The following ACTL8 variants were observed in gnomAD, a reference collection of about 807,000 sequenced individuals.
ACTL8 encodes the protein actin-like protein 8.
ACTL8 carries 3 observed loss-of-function variants against 9.3 expected under a neutral mutation model. The ratio of observed to expected loss-of-function variants is 0.32; its 90% CI spans 0.15 to 0.83. ACTL8 has a LOEUF of 0.83. Among genes scored for constraint, ACTL8 ranks in the 40% least tolerant of loss-of-function variants. The pLI, the probability that ACTL8 is intolerant of heterozygous loss-of-function variation, is 0.57. For missense variants in ACTL8, 381 were observed against 492.2 expected (o/e 0.77, Z 2.14); for synonymous variants, 224 against 205.9 (o/e 1.09, Z -0.75).
In ACTL8 at chr1:17,826,396, A is replaced by T. The variant is rs2053722950; in HGVS notation, c.978A>T (p.Thr326=). 3 of 1,614,112 alleles carry T rather than the reference A, an allele frequency of 1.9e-6. No individual in the cohort carries two copies. The African/African-American group carries it at 4.0e-5, about 22-fold the overall frequency. The change falls in exon 3 of 3, where the codon ACA becomes ACT. Residue 326 remains threonine (T), a synonymous_variant. Transcript: ENST00000375406. The surrounding 1 kb of genome is among the most constrained non-coding windows in gnomAD (Gnocchi z 4.5). ...MGDHVSSTKA[T]VWEGSNRNFS... The stretch of plus-strand genomic sequence containing the variant: ...ATCACGTCTCCTCCACCAAGGCCAC[A>T]GTCTGGGAGGGTTCCAATAGAAACT...
At chr1:17,825,285 C>T (rs2053704715) in intron 2 of ACTL8, among the ~76,000 whole-genome samples, 1 of 151,778 alleles carries the variant, frequency 6.6e-6, no homozygotes, top group Admixed American at 6.6e-5. Flanking sequence ...TTTCTTCCTT[C>T]CTTTCCTTTT....
At chr1:17,825,383 G>GA (rs1374058124) in intron 2 of ACTL8, among the ~76,000 whole-genome samples, 1 of 151,802 alleles carries the variant, frequency 6.6e-6, no homozygotes, top group Non-Finnish European at 1.5e-5. Context: ...AGACAGTGGT[G>GA]AATACGCAAC....
intron 1 of ACTL8, among the ~76,000 whole-genome samples, chr1:17,817,411 G>A (rs1231071280): frequency 6.6e-6 from 1 of 152,094 alleles, no homozygotes; most frequent in African/African-American, 2.4e-5. Flanking sequence ...TTTAGCCAAG[G>A]CTGCTGGTAA....
At chr1:17,818,842 A>T (rs967632155) in intron 1 of ACTL8, among the ~76,000 whole-genome samples, 1 of 152,194 alleles carries the variant, frequency 6.6e-6, no homozygotes, top group Admixed American at 6.5e-5. Context: ...GTTCTTTCTT[A>T]GTAGAATGTA....
intron 1 of ACTL8, among the ~76,000 whole-genome samples, 182 bp downstream of exon 1, chr1:17,755,686 A>C (rs2065963280): frequency 1.3e-5 from 2 of 151,404 alleles, no homozygotes; most frequent in African/African-American, 4.9e-5. Flanking sequence ...GCTCTACCTC[A>C]GACCAAGGGC....
At chr1:17,810,389 T>C (rs921109827) in intron 1 of ACTL8, among the ~76,000 whole-genome samples, 10 of 152,248 alleles carry the variant, frequency 6.6e-5, no homozygotes, top group African/African-American at 2.4e-4. Flanking sequence ...GTAAATACTT[T>C]TTCATGGATC....
At chr1:17,816,287 C>T (rs570754944) in intron 1 of ACTL8, among the ~76,000 whole-genome samples, 7 of 151,520 alleles carry the variant, frequency 4.6e-5, no homozygotes, top group African/African-American at 7.3e-5. Flanking sequence ...CTGCAAACTC[C>T]GCCTCCTGGG....
Position 17,823,454 on chromosome 1 carries a change from A to C in ACTL8, c.348+98A>C. On this transcript the variant is annotated intron_variant, in intron 2 of 2. Coordinates refer to ENST00000375406, the MANE Select transcript of ACTL8 (RefSeq NM_030812.3). The surrounding 1 kb of genome is among the most constrained non-coding windows in gnomAD (Gnocchi z 5.3). ...ACCAGGAATTCTGCTTTTTAAGATA[A>C]ATTGCCAACCAGGTGTGGTGGCTTA... The C allele has an allele frequency of 8.1e-7, 1 of 1,227,656 alleles. No individual in the cohort carries two copies. The highest frequency in any genetic ancestry group is 2.5e-5 in the East Asian group (1 of 40,016). The allele number at this position is 1,227,656 out of a possible 1,614,324, so 76.0% of individuals were successfully genotyped here.
At position 17,802,427 on chromosome 1, in the gene ACTL8, G is replaced by A. The variant is rs1350949884; in HGVS notation, c.-24-20558G>A. Among the ~76,000 whole-genome samples the A allele has an allele frequency of 6.0e-5, 6 of 99,472 alleles. No homozygotes were observed. The East Asian group carries it at 1.7e-3, about 27-fold the overall frequency. The allele number at this position is 99,472 out of a possible 152,430, so 65.3% of individuals were successfully genotyped here. On this transcript the variant is annotated intron_variant, in intron 1 of 2. Coordinates refer to ENST00000375406, the MANE Select transcript of ACTL8 (RefSeq NM_030812.3). ...AGATCCCGGATGACTGTGCGTGCGTGTGTGTGTGTGTGTGTGTGTGTGTGT... is the reference window on the plus strand; with the variant it reads ...AGATCCCGGATGACTGTGCGTGCGTATGTGTGTGTGTGTGTGTGTGTGTGT...
intron 1 of ACTL8, among the ~76,000 whole-genome samples, chr1:17,786,871 T>A (rs937335231): frequency 6.6e-6 from 1 of 151,390 alleles, no homozygotes; most frequent in Non-Finnish European, 1.5e-5. Context: ...TTTTTTTAAA[T>A]GTTTTTTTTT....
At chr1:17,766,811 C>T (rs1425433614) in intron 1 of ACTL8, among the ~76,000 whole-genome samples, 2 of 148,770 alleles carry the variant, frequency 1.3e-5, no homozygotes, top group African/African-American at 5.2e-5. Context: ...ATTCCTGGAA[C>T]TTACTGCATT....
rs11584603 is a variant in ACTL8 at position 17,802,472 on chromosome 1, T to C, written c.-24-20513T>C. ...GTGTGTTGGAGGGCAGTGGTGCACATATTTATCAGATGATGGGGCTTAGGG... is the reference window on the plus strand; with the variant it reads ...GTGTGTTGGAGGGCAGTGGTGCACACATTTATCAGATGATGGGGCTTAGGG... On this transcript the variant is annotated intron_variant, in intron 1 of 2. Transcript: ENST00000375406. 9.8e-3 allele frequency among the ~76,000 whole-genome samples: 1,479 copies of C among 151,280 alleles called. 22 individuals are homozygous for C. Among genetic ancestry groups the C allele is most frequent in the African/African-American group, 0.034 (1,406 of 40,914 alleles).
At chr1:17,825,077 G>A (rs1050699543) in intron 2 of ACTL8, among the ~76,000 whole-genome samples, 4 of 140,160 alleles carry the variant, frequency 2.9e-5, no homozygotes, top group Non-Finnish European at 6.2e-5. Context: ...AGGAATGGGG[G>A]GCAGGGGGGC....
At chr1:17,772,959 C>T (rs996616466) in intron 1 of ACTL8, among the ~76,000 whole-genome samples, 2 of 152,140 alleles carry the variant, frequency 1.3e-5, no homozygotes, top group East Asian at 3.9e-4. Context: ...TTACATTTTC[C>T]TAATGTGGTT....
intron 1 of ACTL8, among the ~76,000 whole-genome samples, chr1:17,781,263 CAG>C: frequency 6.9e-6 from 1 of 145,730 alleles, no homozygotes; most frequent in South Asian, 2.2e-4. Flanking sequence ...TTAATGGAGA[CAG>C]AGTCTCACCC....
At chr1:17,818,256 G>A (rs1481098213) in intron 1 of ACTL8, among the ~76,000 whole-genome samples, 2 of 152,118 alleles carry the variant, frequency 1.3e-5, no homozygotes, top group Admixed American at 1.3e-4. Flanking sequence ...CAGTCTATGA[G>A]CCTTACTTAG....
At position 17,824,940 on chromosome 1, in the gene ACTL8, C is replaced by G. The variant is rs1442121798; in HGVS notation, c.349-827C>G. 6.6e-5 allele frequency among the ~76,000 whole-genome samples: 10 copies of G among 152,104 alleles called. No homozygotes were observed. The East Asian group carries it at 1.9e-3, about 29-fold the overall frequency. ...TAGTAATGGAGGGAGCCCCCTCCCA[C>G]TGAGGGGAGACGATGGGCTTGTGGG... On this transcript the variant is annotated intron_variant, in intron 2 of 2. Coordinates refer to ENST00000375406, the MANE Select transcript of ACTL8 (RefSeq NM_030812.3).
At chr1:17,780,587 G>C (rs546083432) in intron 1 of ACTL8, among the ~76,000 whole-genome samples, 1 of 152,066 alleles carries the variant, frequency 6.6e-6, no homozygotes, top group South Asian at 2.1e-4. Context: ...GGGTGTGTTC[G>C]AAGTAATGTA....
chr1:17,796,569 C>T (rs914958421), intron 1 of ACTL8, among the ~76,000 whole-genome samples: 17 of 152,318 alleles, frequency 1.1e-4, no homozygotes, highest in African/African-American at 3.6e-4. Context: ...GATACAAATC[C>T]AGCTTTGTTA....
Sources: allele counts gnomAD v4.1 joint callset (sites outside exome capture counted in the v4.1 genomes callset), GRCh38; gene constraint gnomAD v4.1.1; non-coding constraint Gnocchi (gnomAD v3.1); transcripts MANE v1.5; gene names NCBI Gene and HGNC (gene_info 2026-07-23, HGNC 2026-07-21).